Variants in HTR2C observed in about 807,000 individuals in gnomAD.
HTR2C encodes 5-hydroxytryptamine receptor 2C.
Under a neutral mutation model 21.0 loss-of-function variants are expected in HTR2C, and 5 were observed. The ratio of observed to expected loss-of-function variants is 0.24; its 90% CI spans 0.12 to 0.50. The LOEUF (loss-of-function observed/expected upper bound fraction) is 0.50, where lower values mean the gene tolerates loss of function less well. Ranked by LOEUF, HTR2C falls within the 20% of genes least tolerant of loss-of-function variation. HTR2C has a pLI of 0.98. For synonymous variants in HTR2C, 150 were observed against 145.3 expected (o/e 1.03, Z -0.23); for missense variants, 271 against 371.2 (o/e 0.73, Z 2.22).
intron 5 of HTR2C, among the ~76,000 whole-genome samples, chrX:114,876,392 A>G (rs961588154): frequency 1.0e-4 from 6 of 59,670 alleles, no homozygotes; most frequent in African/African-American, 3.5e-4. Flanking sequence ...GATGCCGGTT[A>G]TTTCTTTCTT....
At chrX:114,854,332 A>T (rs1460840961) in intron 5 of HTR2C, among the ~76,000 whole-genome samples, 2 of 111,675 alleles carry the variant, frequency 1.8e-5, no homozygotes, top group African/African-American at 6.5e-5. Flanking sequence ...ACATGTTAAC[A>T]TAAATAATTA....
intron 1 of HTR2C, among the ~76,000 whole-genome samples, chrX:114,610,561 G>A (rs138146099): frequency 1.2e-3 from 132 of 111,698 alleles, no homozygotes; most frequent in African/African-American, 4.1e-3. Flanking sequence ...AATTGCACAT[G>A]CGAAATTTAA....
chrX:114,586,095 T>C (rs1927380619), intron 1 of HTR2C, among the ~76,000 whole-genome samples: 1 of 111,813 alleles, frequency 8.9e-6, no homozygotes, highest in Admixed American at 9.5e-5. Flanking sequence ...ATGAGTGCAA[T>C]AGAAACAAGG....
chrX:114,906,444 G>A, intron 5 of HTR2C, 145 bp from the exon 6 acceptor site: 2 of 449,545 alleles, frequency 4.4e-6, no homozygotes, highest in Non-Finnish European at 7.7e-6. Context: ...TGTTTCATGT[G>A]ACTATCGATT....
At chrX:114,703,472 A>T (rs1299004547) in intron 2 of HTR2C, among the ~76,000 whole-genome samples, 1 of 111,077 alleles carries the variant, frequency 9.0e-6, no homozygotes, top group African/African-American at 3.3e-5. Context: ...TGGGTACATA[A>T]GGAAATGAAG....
intron 1 of HTR2C, among the ~76,000 whole-genome samples, chrX:114,595,379 AGGTT>A (rs1487578654): frequency 5.9e-5 from 2 of 34,154 alleles, no homozygotes; most frequent in African/African-American, 1.0e-4. Context: ...CACCGTGCCC[AGGTT>A]GTTGTTGTTG....
intron 4 of HTR2C, among the ~76,000 whole-genome samples, chrX:114,781,825 A>AAG (rs1276493422): frequency 3.7e-5 from 4 of 109,141 alleles, no homozygotes; most frequent in African/African-American, 1.3e-4. Context: ...AAAAAAAAAA[A>AAG]AAAGTAACAT....
At chrX:114,898,237 C>T (rs1268371021) in intron 5 of HTR2C, among the ~76,000 whole-genome samples, 1 of 112,489 alleles carries the variant, frequency 8.9e-6, no homozygotes, top group Non-Finnish European at 1.9e-5. Flanking sequence ...GTCCTTTGCC[C>T]ACTTTTTAAT....
intron 4 of HTR2C, among the ~76,000 whole-genome samples, chrX:114,779,270 A>G (rs981893062): frequency 1.8e-5 from 2 of 111,324 alleles, no homozygotes; most frequent in African/African-American, 6.5e-5. Context: ...TCTCTGAACA[A>G]CCTTGTAAAG....
chrX:114,858,284 A>G (rs1556471755), intron 5 of HTR2C, among the ~76,000 whole-genome samples: 1 of 111,272 alleles, frequency 9.0e-6, no homozygotes, highest in Admixed American at 9.6e-5. Context: ...TCTATAAGTC[A>G]GCTAAGTGAG....
intron 2 of HTR2C, among the ~76,000 whole-genome samples, chrX:114,660,175 A>G (rs1361204021): frequency 4.5e-5 from 5 of 111,993 alleles, no homozygotes; most frequent in African/African-American, 1.6e-4. Context: ...CTTGAAGAAT[A>G]GGAACATATA....
chrX:114,716,458 A>AT (rs1932999459), intron 2 of HTR2C, among the ~76,000 whole-genome samples: 1 of 110,480 alleles, frequency 9.1e-6, no homozygotes, highest in African/African-American at 3.3e-5. Context: ...GGAGAAAAAA[A>AT]TTTTTTTTTC....
intron 2 of HTR2C, among the ~76,000 whole-genome samples, chrX:114,656,064 G>A (rs1930771008): frequency 9.1e-6 from 1 of 110,202 alleles, no homozygotes; most frequent in South Asian, 3.8e-4. Context: ...TTTTCTTTTG[G>A]TGCCTTCTGT....
chrX:114,736,849 T>G (rs2147351309), intron 4 of HTR2C, among the ~76,000 whole-genome samples: 1 of 111,873 alleles, frequency 8.9e-6, no homozygotes, highest in South Asian at 3.7e-4. Context: ...ACAAAAGCTT[T>G]AATATCATCT....
chrX:114,814,508 G>A (rs2070563435), intron 4 of HTR2C, among the ~76,000 whole-genome samples: 1 of 108,948 alleles, frequency 9.2e-6, no homozygotes, highest in African/African-American at 3.3e-5. Context: ...AAGGAGGTTT[G>A]GAAAGTTAGT....
chrX:114,800,386 A>C (rs1427351553), intron 4 of HTR2C, among the ~76,000 whole-genome samples: 1 of 110,993 alleles, frequency 9.0e-6, no homozygotes, highest in Non-Finnish European at 1.9e-5. Context: ...GTAGAGGAAG[A>C]CTGAAGGCAT....
At chrX:114,758,453 T>C (rs2069835266) in intron 4 of HTR2C, among the ~76,000 whole-genome samples, 1 of 110,180 alleles carries the variant, frequency 9.1e-6, no homozygotes, top group South Asian at 3.9e-4. Context: ...TCCCAGCTAC[T>C]TAGGAGGCTG....
intron 2 of HTR2C, among the ~76,000 whole-genome samples, chrX:114,712,781 A>C (rs782763361): frequency 1.8e-5 from 2 of 112,023 alleles, no homozygotes; most frequent in East Asian, 5.6e-4. Context: ...CCCAAAGACC[A>C]TTGTTCTCAA....
intron 2 of HTR2C, among the ~76,000 whole-genome samples, chrX:114,640,207 T>C (rs1381945597): frequency 8.9e-6 from 1 of 111,862 alleles, no homozygotes; most frequent in East Asian, 2.8e-4. Context: ...AGTATTTTCT[T>C]CAATTGACTG....
Sources: gnomAD v4.1 joint callset for allele counts (sites outside exome capture counted in the v4.1 genomes callset) on GRCh38, gnomAD v4.1.1 for gene constraint, MANE v1.5 for transcripts, NCBI Gene and HGNC (gene_info 2026-07-23, HGNC 2026-07-21) for gene names.